The following NISCH variants were observed in gnomAD, a reference collection of about 807,000 sequenced individuals.
The protein encoded by NISCH is nischarin.
A neutral mutation model predicts 138.4 loss-of-function variants in NISCH; 55 were observed. The ratio of observed to expected loss-of-function variants is 0.40; its 90% CI spans 0.32 to 0.50. The LOEUF (loss-of-function observed/expected upper bound fraction) is 0.50. NISCH is among the 20% of genes least tolerant of loss of function. The pLI, the probability that NISCH is intolerant of heterozygous loss-of-function variation, is 0.71. For synonymous variants in NISCH, 860 were observed against 861.5 expected, an observed-to-expected ratio of 1.00 and a Z score of 0.03; for missense variants, 1,643 against 2,005.5, an observed-to-expected ratio of 0.82 and a Z score of 3.45.
At position 52,487,812 on chromosome 3, in the gene NISCH, C is replaced by T; in HGVS notation, c.2320C>T (p.Leu774Phe). ...PHGDLTEFGF[L>F]MPELCLVLKV... ...TGGCGACCTCACCGAGTTTGGCTTC[C>T]TCATGCCGGAGCTGTGTCTGGTGCT... Residue 774 changes from leucine (L) to phenylalanine (F), a missense_variant, in exon 16 of 21, where the codon CTC (leucine) becomes TTC (phenylalanine). Physicochemically the swap from Leu to Phe is conservative, Grantham distance 22 (BLOSUM62 0). Transcript: ENST00000345716. This position sits in a 1 kb window ranked among gnomAD's most constrained non-coding sequence, Gnocchi z 9.1. The T allele has an allele frequency of 6.2e-7, 1 of 1,613,614 alleles. No homozygotes were observed.
In NISCH at chr3:52,490,251, G is replaced by A. The variant is rs1485744253; in HGVS notation, c.3613+20G>A. The A allele has an allele frequency of 6.2e-7, 1 of 1,609,508 alleles. No individual in the cohort carries two copies. The highest frequency in any genetic ancestry group is 1.1e-5 in the South Asian group (1 of 91,042). On this transcript the variant is annotated intron_variant, in intron 18 of 20. Coordinates refer to ENST00000345716, the MANE Select transcript of NISCH (RefSeq NM_007184.4). ...TGCAGGGTAGGCACAGGGCCTGCTG[G>A]GGCTCAGGAGCTTGGAGTGTGTGGT...
chr3:52,463,238 C>G (rs6771558), intron 3 of NISCH, among the ~76,000 whole-genome samples: 146,687 of 152,344 alleles, frequency 0.96, 70,672 homozygotes, highest in African/African-American at 0.99. Context: ...TGGCTTCTTT[C>G]ATTTAGCCTT....
intron 3 of NISCH, among the ~76,000 whole-genome samples, chr3:52,467,617 A>C (rs1198314749): frequency 6.6e-6 from 1 of 152,250 alleles, no homozygotes; most frequent in African/African-American, 2.4e-5. Context: ...AGCAGTATGT[A>C]CTTCTGTGCC....
intron 3 of NISCH, among the ~76,000 whole-genome samples, chr3:52,469,652 G>A (rs1198933027): frequency 6.6e-6 from 1 of 152,138 alleles, no homozygotes; most frequent in East Asian, 1.9e-4. Flanking sequence ...AGTGGCTCAT[G>A]CCTGTAATCC....
In NISCH at chr3:52,478,118, C is replaced by G; in HGVS notation, c.1009C>G (p.Leu337Val). 6.2e-7 allele frequency: 1 copy of G among 1,614,074 alleles called. No individual in the cohort carries two copies. The change falls in exon 10 of 21, where the codon CTG (leucine) becomes GTG (valine). Residue 337 changes from leucine (L) to valine (V), a missense_variant. Physicochemically the swap from Leu to Val is conservative, Grantham distance 32. Coordinates refer to ENST00000345716, the MANE Select transcript of NISCH (RefSeq NM_007184.4). ...NLQHLYNLVH[L>V]DLSYNKLSSL... ...GCAGCACCTGTATAACCTTGTGCAT[C>G]TGGACCTGTCCTACAACAAGCTCTC... is the stretch of plus-strand genomic sequence containing the variant.
rs182689590 is a variant in NISCH at position 52,488,332 on chromosome 3, C to T, written c.2840C>T (p.Pro947Leu). 3.1e-6 allele frequency: 5 copies of T among 1,612,872 alleles called. No individual in the cohort carries two copies. Among genetic ancestry groups the T allele is most frequent in the East Asian group, 2.2e-5 (1 of 44,888 alleles). Reference protein sequence around the residue: ...NRNSFKLSRVPLSTVLLDPTR... With the variant: ...NRNSFKLSRVLLSTVLLDPTR... Reference sequence around the variant, plus strand: ...AACAGCTTCAAGCTCAGCCGTGTGCCGCTCTCCACCGTGCTGCTGGACCCC... The same window carrying T: ...AACAGCTTCAAGCTCAGCCGTGTGCTGCTCTCCACCGTGCTGCTGGACCCC... Residue 947 changes from proline to leucine, a missense_variant, in exon 16 of 21, where the codon CCG (proline) becomes CTG (leucine). By Grantham distance (98) the Pro-to-Leu change is moderately conservative. Coordinates refer to ENST00000345716, the MANE Select transcript of NISCH (RefSeq NM_007184.4).
chr3:52,466,218 A>G (rs1277537114), intron 3 of NISCH, among the ~76,000 whole-genome samples: 1 of 152,172 alleles, frequency 6.6e-6, no homozygotes, highest in African/African-American at 2.4e-5. Flanking sequence ...AAGTTGAATC[A>G]CACATATTAT....
chr3:52,492,845 TGTTGCTGTTGCTGTTGCTGTTGGC>T lies in NISCH; in HGVS notation c.*364_*387del. 3.9e-6 allele frequency: 1 copy of T among 258,986 alleles called. No homozygotes were observed. Among genetic ancestry groups the T allele is most frequent in the Non-Finnish European group, 7.5e-6 (1 of 134,198 alleles). 16.0% of individuals were successfully genotyped at this position (258,986 alleles called of 1,614,324 possible). ...AGTCCTTTGTTGCTGTTGCTGTTGC[TGTTGCTGTTGCTGTTGCTGTTGGC>T]ATCTTGCTGCTAATCCTGAGGCTGG... On this transcript the variant is annotated 3_prime_UTR_variant, in exon 21 of 21. Coordinates refer to ENST00000345716, the MANE Select transcript of NISCH (RefSeq NM_007184.4).
At chr3:52,484,462 T>TTGCGCC in intron 13 of NISCH, 51 bp from the exon 14 acceptor site, 3 of 788,670 alleles carry the variant, frequency 3.8e-6, no homozygotes, top group Non-Finnish European at 5.5e-6. Context: ...ACAGCCGCTC[T>TTGCGCC]CCCCGCCCCA....
At chr3:52,477,899 C>T in intron 9 of NISCH, 198 bp from the exon 10 acceptor site, 1 of 659,092 alleles carries the variant, frequency 1.5e-6, no homozygotes, top group Non-Finnish European at 2.6e-6. Flanking sequence ...CAACGCCCAC[C>T]CCAACTGTCT....
At chr3:52,458,582 G>A in intron 2 of NISCH, 80 bp from the exon 3 acceptor site, 2 of 1,259,236 alleles carry the variant, frequency 1.6e-6, no homozygotes, top group Non-Finnish European at 2.2e-6. Flanking sequence ...ACAAGCGCCT[G>A]CCCTCAAGCT....
At position 52,455,689 on chromosome 3, in the gene NISCH, C is replaced by T; in HGVS notation, c.48C>T (p.Ala16=). ...GGCCCGAGCGGGAAGCCGAGCCGGC[C>T]AAGGAAGCGCGCGTCGTGGGCTCGG... ...TFGPEREAEP[A]KEARVVGSEL... Residue 16 remains alanine (A), a synonymous_variant, in exon 1 of 21, where the codon GCC becomes GCT. Transcript: ENST00000345716. 1 of 1,365,082 alleles carries T rather than the reference C, an allele frequency of 7.3e-7. No individual in the cohort carries two copies. Among genetic ancestry groups the T allele is most frequent in the Non-Finnish European group, 9.5e-7 (1 of 1,048,924 alleles). 84.6% of individuals were successfully genotyped at this position (1,365,082 alleles called of 1,614,324 possible). A position where few individuals can be genotyped will look rare whatever the true frequency, so the allele number is the denominator to read the frequency against.
At chr3:52,464,867 T>C (rs1367735595) in intron 3 of NISCH, among the ~76,000 whole-genome samples, 1 of 150,612 alleles carries the variant, frequency 6.6e-6, no homozygotes, top group Non-Finnish European at 1.5e-5. Context: ...AGGGTTTTAC[T>C]ATGTTGGCCA....
In NISCH at chr3:52,480,234, C is replaced by G; in HGVS notation, c.1467C>G (p.Ser489Arg). 6.2e-7 allele frequency: 1 copy of G among 1,613,998 alleles called. No homozygotes were observed. Among genetic ancestry groups the G allele is most frequent in the Non-Finnish European group, 8.5e-7 (1 of 1,180,012 alleles). ...LSAAPCIRPS[S>R]SPPTVAPASA... ...CTGCCCCCTGCATCAGACCCAGCAGCTCCCCTCCCACTGTGGCTCCCGCAT... is the reference window on the plus strand; with the variant it reads ...CTGCCCCCTGCATCAGACCCAGCAGGTCCCCTCCCACTGTGGCTCCCGCAT... The change falls in exon 13 of 21, where the codon AGC (serine) becomes AGG (arginine). Residue 489 changes from serine to arginine, a missense_variant. Ser to Arg is a moderately radical substitution (Grantham distance 110, BLOSUM62 -1). Coordinates refer to ENST00000345716, the MANE Select transcript of NISCH (RefSeq NM_007184.4).
chr3:52,491,768 G>T, intron 20 of NISCH, 104 bp from the exon 21 acceptor site: 1 of 1,407,424 alleles, frequency 7.1e-7, no homozygotes, highest in Non-Finnish European at 9.6e-7. Context: ...ATCCTCTCCT[G>T]CCTGTCTCAT....
chr3:52,491,653 CT>C, intron 20 of NISCH, 140 bp downstream of exon 20: 1 of 1,129,552 alleles, frequency 8.9e-7, no homozygotes. Context: ...TTATGTGGGG[CT>C]TTTCGATGGC....
intron 14 of NISCH, among the ~76,000 whole-genome samples, chr3:52,485,210 G>A (rs1187711305): frequency 1.3e-5 from 2 of 152,130 alleles, no homozygotes; most frequent in Non-Finnish European, 2.9e-5. Context: ...AATGTGCTTG[G>A]TGCCTGGGCC....
At chr3:52,484,662 G>A in intron 14 of NISCH, 25 bp downstream of exon 14, 1 of 1,613,176 alleles carries the variant, frequency 6.2e-7, no homozygotes, top group South Asian at 1.1e-5. Context: ...CCGCTTCTGG[G>A]GACCATACAT....
intron 7 of NISCH, chr3:52,475,901 C>T (rs1707085806): frequency 6.5e-6 from 1 of 154,250 alleles, no homozygotes; most frequent in Non-Finnish European, 1.4e-5. Context: ...CTTTGGGAGG[C>T]TGAGGTGGGT....
Sources: gnomAD v4.1 joint callset for allele counts (sites outside exome capture counted in the v4.1 genomes callset) on GRCh38, gnomAD v4.1.1 for gene constraint, Gnocchi (gnomAD v3.1) non-coding constraint, MANE v1.5 for transcripts, NCBI Gene and HGNC (gene_info 2026-07-23, HGNC 2026-07-21) for gene names.